Variants in PASD1 observed in about 807,000 individuals in gnomAD.
PASD1 encodes the protein circadian clock protein PASD1.
In PASD1, 13 loss-of-function variants were observed where a neutral mutation model predicts 58.8. That is an observed-to-expected ratio of 0.22 (90% confidence interval 0.14 to 0.35). The LOEUF (loss-of-function observed/expected upper bound fraction) is 0.35. Ranked by LOEUF, PASD1 falls within the 10% of genes least tolerant of loss-of-function variation. The probability of loss-of-function intolerance (pLI) is 1.00; values close to 1 mark genes in which losing one functional copy is unlikely to be tolerated. For synonymous variants in PASD1, 236 were observed against 216.7 expected, an observed-to-expected ratio of 1.09 and a Z score of -0.78; for missense variants, 734 against 568.3, an observed-to-expected ratio of 1.29 and a Z score of -2.96.
At chrX:151,610,155 T>C (rs1268994624) in intron 3 of PASD1, among the ~76,000 whole-genome samples, 2 of 111,364 alleles carry the variant, frequency 1.8e-5, no homozygotes. Context: ...TCTGTTATAT[T>C]ATCTCCTTCA....
intron 8 of PASD1, among the ~76,000 whole-genome samples, chrX:151,637,489 G>A (rs1045682063): frequency 3.6e-5 from 4 of 111,250 alleles, no homozygotes; most frequent in Non-Finnish European, 7.5e-5. Flanking sequence ...TGATTCTCCT[G>A]CCTCAGCCTC....
At chrX:151,657,072 T>G (rs2014252457) in intron 9 of PASD1, among the ~76,000 whole-genome samples, 1 of 112,012 alleles carries the variant, frequency 8.9e-6, no homozygotes, top group Admixed American at 9.4e-5. Flanking sequence ...CATGAAGGGC[T>G]GTTGAATTTT....
intron 8 of PASD1, among the ~76,000 whole-genome samples, chrX:151,632,515 C>T (rs746877207): frequency 2.7e-5 from 3 of 111,516 alleles, no homozygotes; most frequent in African/African-American, 9.8e-5. Flanking sequence ...ATCGTGTCAG[C>T]TCGACCCTGC....
At chrX:151,589,699 C>G (rs2013219418) in intron 1 of PASD1, among the ~76,000 whole-genome samples, 1 of 111,845 alleles carries the variant, frequency 8.9e-6, no homozygotes. Context: ...CCAATTGATT[C>G]CAGAGCCCAG....
At chrX:151,670,859 T>C (rs1007023904) in intron 11 of PASD1, among the ~76,000 whole-genome samples, 179 bp from the exon 12 acceptor site, 3 of 112,718 alleles carry the variant, frequency 2.7e-5, no homozygotes, top group African/African-American at 9.7e-5. Context: ...CCATTTCTTA[T>C]CTAGAATTCC....
chrX:151,604,683 C>A lies in PASD1; in HGVS notation c.66C>A (p.Asn22Lys). 1 of 1,208,795 alleles carries A rather than the reference C, an allele frequency of 8.3e-7. No homozygotes were observed. Among genetic ancestry groups the A allele is most frequent in the East Asian group, 3.0e-5 (1 of 33,820 alleles). The change falls in exon 3 of 16, where the codon AAC (asparagine) becomes AAA (lysine). Residue 22 changes from asparagine (N) to lysine (K), a missense_variant. Physicochemically the swap from Asn to Lys is moderately conservative, Grantham distance 94. Transcript: ENST00000370357. ...CAAAAAGCTCTCAAAGGAAATTAAA[C>A]TGGATTCCATCATTTCCTACCTATG... ...VNPKSSQRKL[N>K]WIPSFPTYDY... is the part of the protein sequence containing the mutation.
At chrX:151,672,750 C>A in intron 14 of PASD1, 89 bp downstream of exon 14, 1 of 1,148,222 alleles carries the variant, frequency 8.7e-7, no homozygotes, top group South Asian at 2.1e-5. Flanking sequence ...AGACAGACGA[C>A]CTATCCATGT....
In PASD1 at chrX:151,599,448, G is replaced by A. The variant is rs954417634; in HGVS notation, c.-27-2079G>A. On this transcript the variant is annotated intron_variant, in intron 1 of 15. Transcript: ENST00000370357. ...GGACGGGGCGGCTGGCCGGGCGGGG[G>A]CTGCCCGCCACCTCCCGGACTGGGC... is the stretch of plus-strand genomic sequence containing the variant. Among the ~76,000 whole-genome samples, 4 of 108,788 alleles carry A rather than the reference G, an allele frequency of 3.7e-5. No homozygotes were observed. In the East Asian group the frequency reaches 1.2e-3, roughly 33 times the overall value. 94.5% of individuals were successfully genotyped at this position (108,788 alleles called of 115,157 possible). A position where few individuals can be genotyped will look rare whatever the true frequency, so the allele number is the denominator to read the frequency against.
At chrX:151,635,547 A>G (rs965139374) in intron 8 of PASD1, among the ~76,000 whole-genome samples, 6 of 112,172 alleles carry the variant, frequency 5.3e-5, no homozygotes, top group African/African-American at 6.5e-5. Flanking sequence ...CTCTTTTCCA[A>G]TAGTCACAAA....
At chrX:151,634,239 A>G (rs1279473347) in intron 8 of PASD1, among the ~76,000 whole-genome samples, 1 of 109,716 alleles carries the variant, frequency 9.1e-6, no homozygotes, top group Non-Finnish European at 1.9e-5. Context: ...CCTTCTCTCA[A>G]CTTCTCCCCA....
chrX:151,567,825 G>A (rs985395354), intron 1 of PASD1, among the ~76,000 whole-genome samples: 4 of 111,932 alleles, frequency 3.6e-5, no homozygotes, highest in African/African-American at 1.3e-4. Flanking sequence ...GGGCTCAAGC[G>A]ATCCTCTCAC....
At chrX:151,637,883 GTTGT>G (rs890289291) in intron 8 of PASD1, among the ~76,000 whole-genome samples, 1 of 111,572 alleles carries the variant, frequency 9.0e-6, no homozygotes, top group African/African-American at 3.3e-5. Context: ...TTAAAATTTT[GTTGT>G]TTGTTTTCTT....
intron 2 of PASD1, among the ~76,000 whole-genome samples, chrX:151,602,202 A>G (rs2013426328): frequency 8.9e-6 from 1 of 111,800 alleles, no homozygotes. Flanking sequence ...AGTCACCATG[A>G]TGTGCAATAG....
At chrX:151,655,114 T>G (rs2014220467) in intron 9 of PASD1, among the ~76,000 whole-genome samples, 1 of 111,772 alleles carries the variant, frequency 8.9e-6, no homozygotes, top group Non-Finnish European at 1.9e-5. Context: ...TTTGGTTTTT[T>G]GTCCTTGTGA....
At chrX:151,660,426 G>A (rs1164091604) in intron 10 of PASD1, among the ~76,000 whole-genome samples, 1 of 111,835 alleles carries the variant, frequency 8.9e-6, no homozygotes, top group African/African-American at 3.3e-5. Flanking sequence ...CTCTTTTTCA[G>A]TTTTTAAATC....
At chrX:151,621,401 C>T in intron 5 of PASD1, 81 bp from the exon 6 acceptor site, 2 of 721,756 alleles carry the variant, frequency 2.8e-6, no homozygotes, top group Non-Finnish European at 4.1e-6. Flanking sequence ...CGAAGAAAGA[C>T]ATTGGTCATA....
At chrX:151,576,244 G>A (rs916799786) in intron 1 of PASD1, among the ~76,000 whole-genome samples, 4 of 111,037 alleles carry the variant, frequency 3.6e-5, no homozygotes, top group Non-Finnish European at 7.5e-5. Flanking sequence ...GGGCTCAAGC[G>A]ATCCTCCTGC....
chrX:151,575,361 T>G (rs2012988450), intron 1 of PASD1, among the ~76,000 whole-genome samples: 1 of 111,144 alleles, frequency 9.0e-6, no homozygotes, highest in Non-Finnish European at 1.9e-5. Context: ...TATTTTCAGT[T>G]ATGTGATTAT....
intron 1 of PASD1, among the ~76,000 whole-genome samples, chrX:151,565,511 C>A (rs1213504804): frequency 1.8e-5 from 2 of 109,618 alleles, no homozygotes; most frequent in Non-Finnish European, 3.8e-5. Context: ...CTTTTCCCAG[C>A]AAGTCAGGAG....
Sources: allele counts gnomAD v4.1 joint callset (sites outside exome capture counted in the v4.1 genomes callset), GRCh38; gene constraint gnomAD v4.1.1; transcripts MANE v1.5; gene names NCBI Gene and HGNC (gene_info 2026-07-23, HGNC 2026-07-21).